The following USP43 variants were observed in gnomAD, a reference collection of about 807,000 sequenced individuals.
USP43 encodes ubiquitin specific peptidase 43, also known as ubiquitin carboxyl-terminal hydrolase 43.
A neutral mutation model predicts 90.7 loss-of-function variants in USP43; 33 were observed. That is an observed-to-expected ratio of 0.36 (90% confidence interval 0.28 to 0.49). The LOEUF is 0.49. Among genes scored for constraint, USP43 ranks in the 20% least tolerant of loss-of-function variants. The pLI, the probability that USP43 is intolerant of heterozygous loss-of-function variation, is 0.98. For synonymous variants in USP43, 598 were observed against 615.8 expected, an observed-to-expected ratio of 0.97 and a Z score of 0.43; for missense variants, 1,274 against 1,476.4, an observed-to-expected ratio of 0.86 and a Z score of 2.25.
At chr17:9,670,926 G>A (rs1913376202) in intron 3 of USP43, among the ~76,000 whole-genome samples, 1 of 152,146 alleles carries the variant, frequency 6.6e-6, no homozygotes, top group Non-Finnish European at 1.5e-5. Flanking sequence ...TTTCTGCAGT[G>A]GTCAGTGGGG....
intron 9 of USP43, 80 bp downstream of exon 9, chr17:9,693,310 G>T: frequency 3.5e-6 from 4 of 1,153,082 alleles, no homozygotes; most frequent in Non-Finnish European, 5.1e-6. Flanking sequence ...ATATGTCAAT[G>T]AGATTGCTCA....
chr17:9,727,669 C>T (rs1376275323), intron 14 of USP43, among the ~76,000 whole-genome samples: 1 of 152,128 alleles, frequency 6.6e-6, no homozygotes, highest in Non-Finnish European at 1.5e-5. Flanking sequence ...AGGCTAGATG[C>T]CCGTGAGACT....
chr17:9,645,398 G>A (rs1226330861), upstream of USP43: 4 of 275,322 alleles, frequency 1.5e-5, no homozygotes, highest in East Asian at 2.8e-4. This position sits in a 1 kb window ranked among gnomAD's most constrained non-coding sequence, Gnocchi z 6.8. Context: ...CAGCGGGGGC[G>A]GCACCAGGCA....
chr17:9,699,921 C>A (rs923129502), intron 9 of USP43, among the ~76,000 whole-genome samples: 2 of 152,120 alleles, frequency 1.3e-5, no homozygotes, highest in African/African-American at 2.4e-5. Flanking sequence ...TCAAAGTAAC[C>A]CCAAATCTAC....
At chr17:9,690,301 C>A (rs1411543739) in intron 8 of USP43, among the ~76,000 whole-genome samples, 2 of 152,116 alleles carry the variant, frequency 1.3e-5, no homozygotes, top group East Asian at 3.9e-4. Context: ...TGCCTTTTAC[C>A]TTTGTCAGAG....
intron 14 of USP43, among the ~76,000 whole-genome samples, chr17:9,723,514 TC>T (rs938626390): frequency 1.5e-5 from 2 of 135,880 alleles, no homozygotes; most frequent in African/African-American, 5.7e-5. Flanking sequence ...TCCCTTCCCT[TC>T]CTTTCCCTTC....
At chr17:9,663,005 A>G (rs1194755705) in intron 2 of USP43, among the ~76,000 whole-genome samples, 4 of 151,668 alleles carry the variant, frequency 2.6e-5, no homozygotes, top group Non-Finnish European at 5.9e-5. Context: ...TTTAGTAGAG[A>G]CGGGATTTTA....
chr17:9,681,891 G>T (rs1020884612), intron 6 of USP43, among the ~76,000 whole-genome samples: 8 of 152,178 alleles, frequency 5.3e-5, no homozygotes, highest in African/African-American at 4.8e-5. Context: ...TAGGTAGCAG[G>T]CTATGGGAAC....
At chr17:9,652,060 G>A (rs422819) in intron 1 of USP43, among the ~76,000 whole-genome samples, 68,333 of 151,630 alleles carry the variant, frequency 0.45, 20,206 homozygotes, top group East Asian at 0.92. Context: ...ATACATACAG[G>A]TAGAGTTATG....
chr17:9,667,801 C>A (rs542872312), intron 3 of USP43, among the ~76,000 whole-genome samples: 1 of 151,968 alleles, frequency 6.6e-6, no homozygotes, highest in Non-Finnish European at 1.5e-5. Context: ...TGTGCGTGCA[C>A]GTGTGCGCGT....
chr17:9,684,082 G>A lies in USP43; in HGVS notation c.1241+1124G>A, dbSNP rs765942541. On this transcript the variant is annotated intron_variant, in intron 7 of 14. Coordinates refer to ENST00000285199, the MANE Select transcript of USP43 (RefSeq NM_153210.5). ...AACCCAGGAGGCAAATGTTGCAGTC[G>A]GCCGAGATTGCACCACTGCACTCCA... Among the ~76,000 whole-genome samples, 15 of 151,824 alleles carry A rather than the reference G, an allele frequency of 9.9e-5. 1 individual carries two copies. The highest frequency in any genetic ancestry group is 1.3e-4 in the Non-Finnish European group (9 of 67,980).
intron 3 of USP43, among the ~76,000 whole-genome samples, chr17:9,671,220 T>G (rs917107298): frequency 2.0e-5 from 3 of 152,184 alleles, no homozygotes; most frequent in Admixed American, 1.3e-4. Context: ...AGTCTAAAAA[T>G]GTCTGCAAGT....
At chr17:9,673,372 G>A (rs1278611165) in intron 3 of USP43, among the ~76,000 whole-genome samples, 1 of 152,106 alleles carries the variant, frequency 6.6e-6, no homozygotes, top group East Asian at 1.9e-4. Context: ...AGCCGGGCGT[G>A]GTGGCAGGCA....
At chr17:9,695,973 T>A (rs1022030131) in intron 9 of USP43, among the ~76,000 whole-genome samples, 1 of 152,204 alleles carries the variant, frequency 6.6e-6, no homozygotes, top group African/African-American at 2.4e-5. Context: ...GAAGGCTGAA[T>A]AATATTCCAT....
intron 9 of USP43, among the ~76,000 whole-genome samples, chr17:9,695,031 C>T (rs1241971861): frequency 2.6e-5 from 4 of 152,178 alleles, no homozygotes; most frequent in Non-Finnish European, 5.9e-5. Flanking sequence ...GAGTAGAGTT[C>T]TACAGTAAGC....
chr17:9,728,379 C>A lies in USP43; in HGVS notation c.2761C>A (p.Gln921Lys). 1 of 1,608,406 alleles carries A rather than the reference C, an allele frequency of 6.2e-7. No homozygotes were observed. Among genetic ancestry groups the A allele is most frequent in the Non-Finnish European group, 8.5e-7 (1 of 1,177,438 alleles). Residue 921 changes from glutamine to lysine, a missense_variant, in exon 15 of 15, where the codon CAG (glutamine) becomes AAG (lysine). By Grantham distance (53) the Gln-to-Lys change is moderately conservative. Around this residue, in one of 6 missense-constraint regions of USP43, gnomAD observed 353 missense variants for 329.7 expected, o/e 1.07. Transcript: ENST00000285199. The surrounding 1 kb of genome is among the most constrained non-coding windows in gnomAD (Gnocchi z 6.2). The part of the protein sequence containing the change: ...TARKLKENAG[Q>K]DIKLPRKFDL... ...AAGGAAACTCAAGGAAAATGCAGGG[C>A]AGGACATCAAGCTTCCCAGAAAGTT...
intron 8 of USP43, among the ~76,000 whole-genome samples, chr17:9,692,480 A>G (rs1597858956): frequency 1.3e-5 from 2 of 152,332 alleles, no homozygotes; most frequent in South Asian, 4.1e-4. Flanking sequence ...CTTCTTGGCC[A>G]TCTGTACATC....
intron 14 of USP43, among the ~76,000 whole-genome samples, chr17:9,724,913 A>G (rs975190309): frequency 4.8e-5 from 7 of 145,640 alleles, no homozygotes; most frequent in African/African-American, 1.9e-4. Flanking sequence ...CAACTAGGAA[A>G]AGTCTTGTTC....
At chr17:9,648,945 C>T (rs111529338) in intron 1 of USP43, among the ~76,000 whole-genome samples, 13 of 139,766 alleles carry the variant, frequency 9.3e-5, no homozygotes, top group African/African-American at 4.2e-4. Context: ...CTCCCTCTCT[C>T]TCTCTCTCTC....
Sources: allele counts gnomAD v4.1 joint callset (sites outside exome capture counted in the v4.1 genomes callset), GRCh38; gene constraint gnomAD v4.1.1; regional missense constraint gnomAD v4.1.1; non-coding constraint Gnocchi (gnomAD v3.1); transcripts MANE v1.5; gene names NCBI Gene and HGNC (gene_info 2026-07-23, HGNC 2026-07-21).